Variants in STK24 observed in about 807,000 individuals in gnomAD.
The protein encoded by STK24 is serine/threonine-protein kinase 24.
In STK24, 21 loss-of-function variants were observed where a neutral mutation model predicts 55.6. The observed-to-expected ratio is 0.38, with a 90% CI of 0.27 to 0.54. STK24 has a LOEUF of 0.54. Among genes scored for constraint, STK24 ranks in the 20% least tolerant of loss-of-function variants. The probability of loss-of-function intolerance (pLI) is 0.79; values close to 1 mark genes in which losing one functional copy is unlikely to be tolerated. For synonymous variants in STK24, 200 were observed against 215.2 expected (o/e 0.93, Z 0.62); for missense variants, 383 against 538.4 (o/e 0.71, Z 2.86).
In STK24 at chr13:98,460,305, A is replaced by G. The variant is rs1173692049; in HGVS notation, c.1122+67T>C. On this transcript the variant is annotated intron_variant, in intron 9 of 10. Transcript: ENST00000539966. ...CCAACTCTTAACTGGCAACATCACC[A>G]CTGAAGTGTGTCCAGCTTCTCCTTC... 4.2e-6 allele frequency: 6 copies of G among 1,422,312 alleles called. No individual in the cohort carries two copies. The East Asian group carries it at 1.4e-4, about 32-fold the overall frequency. 88.1% of individuals were successfully genotyped at this position (1,422,312 alleles called of 1,614,324 possible). A position where few individuals can be genotyped will look rare whatever the true frequency, so the allele number is the denominator to read the frequency against.
At chr13:98,553,870 T>C (rs1008984535) in intron 1 of STK24, 8 of 152,098 alleles carry the variant, frequency 5.3e-5, no homozygotes, top group African/African-American at 1.7e-4. Flanking sequence ...GAGACCAACC[T>C]GGCCAACATG....
At chr13:98,486,284 A>T (rs1186994078) in intron 2 of STK24, among the ~76,000 whole-genome samples, 1 of 151,928 alleles carries the variant, frequency 6.6e-6, no homozygotes, top group African/African-American at 2.4e-5. Flanking sequence ...TGTGGGCCGC[A>T]CTCGCGCCAC....
chr13:98,448,995 T>C lies in STK24; in HGVS notation c.*4178A>G, dbSNP rs774535536. 1 of 152,140 alleles carries C rather than the reference T, an allele frequency of 6.6e-6. No individual in the cohort carries two copies. The highest frequency in any genetic ancestry group is 1.5e-5 in the Non-Finnish European group (1 of 68,050). The allele number at this position is 152,140 out of a possible 1,614,324, so 9.4% of individuals were successfully genotyped here. ...TTTAAGTGGTAACTCTTTCCAACCG[T>C]AGCAGGGTTGTTTTCTGTTAAGCAA... On this transcript the variant is annotated 3_prime_UTR_variant, in exon 11 of 11. Coordinates refer to ENST00000539966, the MANE Select transcript of STK24 (RefSeq NM_001032296.4).
chr13:98,502,609 G>C (rs1594617674), intron 2 of STK24, among the ~76,000 whole-genome samples: 1 of 152,082 alleles, frequency 6.6e-6, no homozygotes, highest in Non-Finnish European at 1.5e-5. Flanking sequence ...CGTGAGAGTG[G>C]GTCGTTATAC....
intron 1 of STK24, among the ~76,000 whole-genome samples, chr13:98,542,024 C>T (rs1308973998): frequency 3.9e-5 from 6 of 152,202 alleles, no homozygotes; most frequent in African/African-American, 9.6e-5. Flanking sequence ...AGTCAAAGCT[C>T]GTTCCATCTC....
intron 1 of STK24, among the ~76,000 whole-genome samples, chr13:98,574,322 G>A (rs757429820): frequency 2.0e-5 from 3 of 152,180 alleles, no homozygotes; most frequent in Non-Finnish European, 2.9e-5. Flanking sequence ...CTCCTTATAA[G>A]CCCTGGTCAG....
intron 1 of STK24, among the ~76,000 whole-genome samples, chr13:98,525,383 C>A (rs188060842): frequency 2.0e-5 from 3 of 152,166 alleles, no homozygotes; most frequent in Non-Finnish European, 4.4e-5. Context: ...AGAATCAGGA[C>A]GCCCAAGGGC....
At chr13:98,474,206 C>A (rs1894274955) in intron 5 of STK24, among the ~76,000 whole-genome samples, 1 of 152,054 alleles carries the variant, frequency 6.6e-6, no homozygotes, top group African/African-American at 2.4e-5. Flanking sequence ...AGGAGAGTGT[C>A]CCTAACACAG....
At chr13:98,523,857 C>A (rs1440304528) in intron 1 of STK24, among the ~76,000 whole-genome samples, 1 of 152,232 alleles carries the variant, frequency 6.6e-6, no homozygotes, top group Non-Finnish European at 1.5e-5. Flanking sequence ...AGAAGCTGGG[C>A]ACTGCCCCAG....
intron 1 of STK24, among the ~76,000 whole-genome samples, chr13:98,558,767 G>C (rs1897338244): frequency 6.6e-6 from 1 of 152,064 alleles, no homozygotes; most frequent in African/African-American, 2.4e-5. Context: ...ATGTATTTGG[G>C]AACAGTCCAC....
chr13:98,461,457 C>T (rs1893700829), intron 8 of STK24, among the ~76,000 whole-genome samples: 1 of 152,238 alleles, frequency 6.6e-6, no homozygotes, highest in Non-Finnish European at 1.5e-5. Context: ...AACAGTCCCT[C>T]AGAGCTATGA....
At chr13:98,520,718 G>T (rs780246195) in intron 1 of STK24, among the ~76,000 whole-genome samples, 23 of 152,246 alleles carry the variant, frequency 1.5e-4, no homozygotes, top group Non-Finnish European at 2.1e-4. Context: ...GAGACACACT[G>T]AGTTCCGAGC....
chr13:98,568,188 G>A (rs9556975), intron 1 of STK24, among the ~76,000 whole-genome samples: 39,746 of 151,850 alleles, frequency 0.26, 6,015 homozygotes, highest in East Asian at 0.41. Context: ...GTAGAGAAGG[G>A]GTTTCACCAT....
At chr13:98,549,280 A>C (rs1327432815) in intron 1 of STK24, among the ~76,000 whole-genome samples, 1 of 152,228 alleles carries the variant, frequency 6.6e-6, no homozygotes, top group Non-Finnish European at 1.5e-5. Context: ...GGGAAGTCCA[A>C]GGTCAAGGCA....
intron 6 of STK24, among the ~76,000 whole-genome samples, chr13:98,464,360 A>C (rs2139262297): frequency 6.6e-6 from 1 of 151,872 alleles, no homozygotes; most frequent in East Asian, 2.0e-4. Flanking sequence ...CGGAGCTTGC[A>C]GGGAGCCGAG....
At chr13:98,513,343 C>T (rs1895949074) in intron 2 of STK24, among the ~76,000 whole-genome samples, 1 of 152,210 alleles carries the variant, frequency 6.6e-6, no homozygotes, top group Non-Finnish European at 1.5e-5. Flanking sequence ...AGGTTCATTC[C>T]ACGCAGCAGT....
chr13:98,514,206 A>G (rs1277035819), intron 2 of STK24, among the ~76,000 whole-genome samples: 2 of 152,210 alleles, frequency 1.3e-5, no homozygotes, highest in African/African-American at 4.8e-5. Context: ...TATGCGGGGG[A>G]GAAGCATCCA....
chr13:98,475,060 T>G, intron 4 of STK24, 82 bp from the exon 5 acceptor site: 1 of 1,506,330 alleles, frequency 6.6e-7, no homozygotes, highest in East Asian at 2.3e-5. Context: ...TCTCCCTGGC[T>G]GGGTGGCGAA....
chr13:98,490,075 G>C (rs1247338858), intron 2 of STK24, among the ~76,000 whole-genome samples: 1 of 152,172 alleles, frequency 6.6e-6, no homozygotes, highest in East Asian at 1.9e-4. Context: ...CTGCACCCAA[G>C]ACAGCCAGCT....
Sources: allele counts gnomAD v4.1 joint callset (sites outside exome capture counted in the v4.1 genomes callset), GRCh38; gene constraint gnomAD v4.1.1; transcripts MANE v1.5; gene names NCBI Gene and HGNC (gene_info 2026-07-23, HGNC 2026-07-21).